The following BTD variants were observed in gnomAD, a reference collection of about 807,000 sequenced individuals.
BTD encodes the protein biocytinase.
In BTD, 13 loss-of-function variants were observed where a neutral mutation model predicts 17.7. The ratio of observed to expected loss-of-function variants is 0.74; its 90% CI spans 0.48 to 1.17. BTD has a LOEUF of 1.17. Ranked by LOEUF, BTD falls within the 50% of genes most tolerant of loss-of-function variation. The pLI is 0.00. For synonymous variants in BTD, 240 were observed against 245.2 expected (o/e 0.98, Z 0.20); for missense variants, 674 against 650.4 (o/e 1.04, Z -0.39).
chr3:15,674,067 G>A (rs2066654114), intron 3 of BTD, among the ~76,000 whole-genome samples: 1 of 149,430 alleles, frequency 6.7e-6, no homozygotes, highest in African/African-American at 2.5e-5. Flanking sequence ...AGCTACTTGG[G>A]AGGCTGAGGT....
intron 3 of BTD, among the ~76,000 whole-genome samples, chr3:15,709,988 T>C (rs1207671783): frequency 6.6e-6 from 1 of 152,040 alleles, no homozygotes; most frequent in Non-Finnish European, 1.5e-5. Context: ...GAAGATCACA[T>C]TTGCAAAAGA....
At position 15,645,840 on chromosome 3, in the gene BTD, T is replaced by TG; in HGVS notation, c.*352_*353insG. 1 of 187,860 alleles carries TG rather than the reference T, an allele frequency of 5.3e-6. No homozygotes were observed. The highest frequency in any genetic ancestry group is 5.6e-5 in the Admixed American group (1 of 17,760). The allele number at this position is 187,860 out of a possible 1,614,324, so 11.6% of individuals were successfully genotyped here. A position where few individuals can be genotyped will look rare whatever the true frequency, so the allele number is the denominator to read the frequency against. On this transcript the variant is annotated 3_prime_UTR_variant, in exon 4 of 4. Coordinates refer to ENST00000643237, the MANE Select transcript of BTD (RefSeq NM_001370658.1). ...TCCACAAAGCAGTGGCTTGGGGTTT[T>TG]TTTTTTTTTTTTTATCTTGTTGATC...
In BTD at chr3:15,635,663, A is replaced by C. The variant is rs1383303286; in HGVS notation, c.224A>C (p.Gln75Pro). Residue 75 changes from glutamine to proline, a missense_variant, in exon 2 of 4, where the codon CAG becomes CCG. Coordinates refer to ENST00000643237, the MANE Select transcript of BTD (RefSeq NM_001370658.1). The surrounding 1 kb of genome is among the most constrained non-coding windows in gnomAD (Gnocchi z 4.1). ...AACCAGAACCTTGACATCTATGAAC[A>C]GCAAGTGATGACTGCAGCCCAAAAG... The part of the protein sequence containing the change: ...LMNQNLDIYE[Q>P]QVMTAAQKDV... 6.2e-7 allele frequency: 1 copy of C among 1,614,230 alleles called. No homozygotes were observed. Among genetic ancestry groups the C allele is most frequent in the East Asian group, 2.2e-5 (1 of 44,894 alleles).
rs1371466322 is a variant in BTD at position 15,649,226 on chromosome 3, G to A, written c.*3738G>A. 6.6e-6 allele frequency among the ~76,000 whole-genome samples: 1 copy of A among 152,214 alleles called. No homozygotes were observed. The highest frequency in any genetic ancestry group is 2.4e-5 in the African/African-American group (1 of 41,452). On this transcript the variant is annotated 3_prime_UTR_variant, in exon 4 of 4. Transcript: ENST00000643237. ...TCCTCACCACTTGGGTCTTTCCATA[G>A]GGATAGCTGAGTGTCCTCATGATGT...
chr3:15,640,779 C>T (rs1316660526), intron 2 of BTD, among the ~76,000 whole-genome samples: 1 of 151,972 alleles, frequency 6.6e-6, no homozygotes, highest in Non-Finnish European at 1.5e-5. Flanking sequence ...TACATGTATA[C>T]AGAGAGAAAA....
chr3:15,676,053 C>G, intron 3 of BTD: 2 of 1,351,310 alleles, frequency 1.5e-6, no homozygotes, highest in Non-Finnish European at 2.0e-6. Flanking sequence ...ACATACACAC[C>G]TGGCTGTCAA....
At chr3:15,625,131 C>T (rs962585824) in intron 1 of BTD, among the ~76,000 whole-genome samples, 7 of 152,184 alleles carry the variant, frequency 4.6e-5, no homozygotes, top group Non-Finnish European at 8.8e-5. Flanking sequence ...AGTAAAGGAA[C>T]AGCAGTAAAA....
chr3:15,610,202 C>T (rs564945150), intron 1 of BTD, among the ~76,000 whole-genome samples: 1 of 152,220 alleles, frequency 6.6e-6, no homozygotes, highest in Non-Finnish European at 1.5e-5. Flanking sequence ...CTGAGTCACT[C>T]AGCCCCTGGA....
intron 3 of BTD, chr3:15,677,656 A>G (rs1298807304): frequency 2.3e-6 from 2 of 873,374 alleles, no homozygotes; most frequent in Non-Finnish European, 3.5e-6. Context: ...ACAAAGCAAA[A>G]AAGTCCCTCT....
intron 4 of BTD, chr3:15,721,212 A>T (rs962186142): frequency 1.8e-6 from 2 of 1,095,040 alleles, no homozygotes; most frequent in Non-Finnish European, 2.7e-6. Context: ...CTGTGGTTGC[A>T]ATCAAATTAC....
At chr3:15,682,171 A>C (rs2067617312) in intron 3 of BTD, among the ~76,000 whole-genome samples, 1 of 152,216 alleles carries the variant, frequency 6.6e-6, no homozygotes, top group South Asian at 2.1e-4. Context: ...ACTAAAAAGA[A>C]AATACTTTTG....
chr3:15,653,810 C>CGTGT (rs2065841834), downstream of BTD, among the ~76,000 whole-genome samples: 2 of 152,174 alleles, frequency 1.3e-5, no homozygotes, highest in African/African-American at 4.8e-5. Flanking sequence ...CAAAAAATCA[C>CGTGT]GTGTGAAAGT....
intron 3 of BTD, chr3:15,676,767 T>A (rs1221275076): frequency 2.4e-6 from 1 of 420,876 alleles, no homozygotes; most frequent in East Asian, 4.1e-5. Context: ...GTCAATGTTA[T>A]AATAAAATTT....
intron 1 of BTD, among the ~76,000 whole-genome samples, chr3:15,614,059 T>C (rs1371605267): frequency 6.6e-6 from 1 of 152,028 alleles, no homozygotes; most frequent in East Asian, 1.9e-4. Flanking sequence ...TCTCACCTAT[T>C]ATACCTTCAA....
chr3:15,683,474 T>C (rs2067760066), intron 3 of BTD, among the ~76,000 whole-genome samples: 1 of 152,206 alleles, frequency 6.6e-6, no homozygotes, highest in Admixed American at 6.5e-5. Flanking sequence ...AAAAGAGAAG[T>C]TAAACCCCAA....
chr3:15,686,459 T>C (rs1303199002), intron 3 of BTD: 1 of 659,924 alleles, frequency 1.5e-6, no homozygotes. Context: ...AAAAGAAGGT[T>C]TCTACGGCCT....
chr3:15,687,779 T>C, intron 3 of BTD, among the ~76,000 whole-genome samples: 1 of 152,198 alleles, frequency 6.6e-6, no homozygotes, highest in East Asian at 1.9e-4. Flanking sequence ...TCGTAACACT[T>C]GGGGATGTTC....
chr3:15,690,303 A>G, intron 3 of BTD: 1 of 1,142,750 alleles, frequency 8.8e-7, no homozygotes, highest in Non-Finnish European at 1.2e-6. Context: ...AAATAAGCAA[A>G]CTTGTCTTCA....
In BTD at chr3:15,689,054, T is replaced by C. The variant is rs2068479974; in HGVS notation, c.400-21006T>C. ...AACCCAACTTCTAAGGCAGATAATG[T>C]TTTAAGTGATGATAGTCTTGTTGTT... On this transcript the variant is annotated intron_variant, in intron 3 of 3. Coordinates refer to the BTD transcript ENST00000672141. 2.0e-5 allele frequency among the ~76,000 whole-genome samples: 3 copies of C among 152,198 alleles called. No homozygotes were observed. In the South Asian group the frequency reaches 6.2e-4, roughly 31 times the overall value.
Sources: allele counts gnomAD v4.1 joint callset (sites outside exome capture counted in the v4.1 genomes callset), GRCh38; gene constraint gnomAD v4.1.1; non-coding constraint Gnocchi (gnomAD v3.1); transcripts MANE v1.5; gene names NCBI Gene and HGNC (gene_info 2026-07-23, HGNC 2026-07-21).